CDC14A: variants seen among roughly 807,000 people sequenced by gnomAD.
The protein encoded by CDC14A is dual specificity protein phosphatase CDC14A.
A neutral mutation model predicts 74.4 loss-of-function variants in CDC14A; 53 were observed. The ratio of observed to expected loss-of-function variants is 0.71; its 90% CI spans 0.57 to 0.89. The LOEUF (loss-of-function observed/expected upper bound fraction) is 0.89, where lower values mean the gene tolerates loss of function less well. Ranked by LOEUF, CDC14A falls within the 40% of genes least tolerant of loss-of-function variation. The pLI, the probability that CDC14A is intolerant of heterozygous loss-of-function variation, is 0.00. For synonymous variants in CDC14A, 247 were observed against 258.4 expected (o/e 0.96, Z 0.43); for missense variants, 646 against 713.7 (o/e 0.91, Z 1.08).
chr1:100,501,274 G>C (rs1648696058), intron 15 of CDC14A, among the ~76,000 whole-genome samples: 2 of 152,192 alleles, frequency 1.3e-5, no homozygotes, highest in Non-Finnish European at 2.9e-5. Context: ...TTGTGGATCA[G>C]CCTCTTCTTT....
intron 11 of CDC14A, among the ~76,000 whole-genome samples, chr1:100,494,336 C>A (rs965551795): frequency 6.6e-6 from 1 of 152,152 alleles, no homozygotes; most frequent in Non-Finnish European, 1.5e-5. Context: ...GGCTTGTGTG[C>A]TTTTACTAGT....
intron 2 of CDC14A, among the ~76,000 whole-genome samples, chr1:100,355,317 C>T (rs1651734912): frequency 1.3e-5 from 2 of 152,160 alleles, no homozygotes; most frequent in Admixed American, 1.3e-4. Context: ...TTCTACAGTA[C>T]AGTGGTTGTT....
In CDC14A at chr1:100,377,641, T is replaced by G. The variant is rs1333829001; in HGVS notation, c.216+20T>G. 4 of 1,570,088 alleles carry G rather than the reference T, an allele frequency of 2.5e-6. No homozygotes were observed. Among genetic ancestry groups the G allele is most frequent in the Non-Finnish European group, 3.5e-6 (4 of 1,142,386 alleles). ...CTAAAAGTGAGTATTGTAGTGATAT[T>G]TATAATTTGGAATTAAAACATTTGA... On this transcript the variant is annotated intron_variant, in intron 3 of 15. Coordinates refer to ENST00000336454, the MANE Select transcript of CDC14A (RefSeq NM_003672.4).
At chr1:100,352,352 G>C, upstream of CDC14A, 5 of 584,886 alleles carry the variant, frequency 8.5e-6, no homozygotes, top group Non-Finnish European at 1.1e-5. Flanking sequence ...CTGCTGCGGA[G>C]AAAGGAGCGG....
chr1:100,447,203 C>G (rs1387922165), intron 7 of CDC14A, among the ~76,000 whole-genome samples: 1 of 152,160 alleles, frequency 6.6e-6, no homozygotes, highest in Non-Finnish European at 1.5e-5. Flanking sequence ...AATTTCAAAG[C>G]CCTGTTCTAT....
intron 10 of CDC14A, among the ~76,000 whole-genome samples, chr1:100,479,177 A>T (rs552167728): frequency 1.3e-5 from 2 of 152,234 alleles, no homozygotes; most frequent in Non-Finnish European, 2.9e-5. Flanking sequence ...GATGAAAAAC[A>T]TCTGTTTAGA....
chr1:100,361,881 A>G (rs1416529140), intron 2 of CDC14A, among the ~76,000 whole-genome samples: 2 of 152,132 alleles, frequency 1.3e-5, no homozygotes, highest in Non-Finnish European at 2.9e-5. Flanking sequence ...CTATGGAAGA[A>G]TTGGATTAGG....
At chr1:100,394,028 C>A in intron 4 of CDC14A, 1 of 262,084 alleles carries the variant, frequency 3.8e-6, no homozygotes, top group South Asian at 4.2e-5. Flanking sequence ...GCCTGCCATT[C>A]TGGGGACCTC....
chr1:100,436,955 G>A (rs772483972), intron 5 of CDC14A, among the ~76,000 whole-genome samples: 6 of 152,188 alleles, frequency 3.9e-5, no homozygotes, highest in Non-Finnish European at 7.4e-5. Context: ...GGAGGCAGAG[G>A]TGGGTGTATC....
chr1:100,501,772 T>C (rs1000189062), intron 15 of CDC14A, among the ~76,000 whole-genome samples: 9 of 152,198 alleles, frequency 5.9e-5, no homozygotes, highest in Non-Finnish European at 1.2e-4. Flanking sequence ...CCTGAAGACC[T>C]TCCAGTGGGA....
At chr1:100,472,420 T>G (rs1367829358) in intron 10 of CDC14A, among the ~76,000 whole-genome samples, 1 of 152,154 alleles carries the variant, frequency 6.6e-6, no homozygotes, top group Non-Finnish European at 1.5e-5. Context: ...ATAACTTGCT[T>G]TATAGTTTTA....
At chr1:100,414,050 C>G (rs1661207660) in intron 4 of CDC14A, among the ~76,000 whole-genome samples, 1 of 152,054 alleles carries the variant, frequency 6.6e-6, no homozygotes, top group South Asian at 2.1e-4. Flanking sequence ...GTGTCTTCTA[C>G]TACATTTTAT....
At chr1:100,457,000 T>C (rs1666767663) in intron 8 of CDC14A, among the ~76,000 whole-genome samples, 1 of 152,226 alleles carries the variant, frequency 6.6e-6, no homozygotes. Flanking sequence ...GGAAACTGCT[T>C]TCTGACAATT....
At chr1:100,507,519 C>T (rs1182616095) in intron 15 of CDC14A, among the ~76,000 whole-genome samples, 1 of 151,666 alleles carries the variant, frequency 6.6e-6, no homozygotes, top group Admixed American at 6.6e-5. Flanking sequence ...AGGTTGGTCT[C>T]GAATTCCTGG....
chr1:100,425,307 A>G (rs932526677), intron 5 of CDC14A, among the ~76,000 whole-genome samples: 1 of 152,126 alleles, frequency 6.6e-6, no homozygotes, highest in African/African-American at 2.4e-5. Flanking sequence ...AAGCATGTGT[A>G]TTGCTTATTG....
intron 11 of CDC14A, chr1:100,486,065 T>TA (rs1326881859): frequency 6.6e-6 from 1 of 152,226 alleles, no homozygotes; most frequent in Non-Finnish European, 1.5e-5. Flanking sequence ...GATTTTAACA[T>TA]GATAATATAG....
At chr1:100,436,046 G>A (rs1196162040) in intron 5 of CDC14A, among the ~76,000 whole-genome samples, 2 of 152,098 alleles carry the variant, frequency 1.3e-5, no homozygotes, top group Non-Finnish European at 1.5e-5. Context: ...TTGTATGGTG[G>A]TAAAACCTCA....
At position 100,390,998 on chromosome 1, in the gene CDC14A, T is replaced by C. The variant is rs1002335523; in HGVS notation, c.309+174T>C. The C allele has an allele frequency of 1.2e-4, 80 of 662,686 alleles. 1 individual carries two copies. Among genetic ancestry groups the C allele is most frequent in the Admixed American group, 6.4e-5 (3 of 46,752 alleles). 41.1% of individuals were successfully genotyped at this position (662,686 alleles called of 1,614,324 possible). On this transcript the variant is annotated intron_variant, in intron 4 of 15. Coordinates refer to ENST00000336454, the MANE Select transcript of CDC14A (RefSeq NM_003672.4). ...ACTAGCAGTGGTGGAATGTTTACTC[T>C]TTAGATTTTATTTTCTACTAGTTAA...
intron 5 of CDC14A, among the ~76,000 whole-genome samples, chr1:100,434,394 T>G (rs1412014368): frequency 1.3e-5 from 2 of 152,172 alleles, no homozygotes; most frequent in Admixed American, 1.3e-4. Flanking sequence ...CCCCAGGCCT[T>G]GTGGCCACAG....
Sources: allele counts gnomAD v4.1 joint callset (sites outside exome capture counted in the v4.1 genomes callset), GRCh38; gene constraint gnomAD v4.1.1; transcripts MANE v1.5; gene names NCBI Gene and HGNC (gene_info 2026-07-23, HGNC 2026-07-21).